The following GNAI1 variants were observed in gnomAD, a reference collection of about 807,000 sequenced individuals.
GNAI1 encodes G protein subunit alpha i1.
A neutral mutation model predicts 38.9 loss-of-function variants in GNAI1; 11 were observed. The observed-to-expected ratio is 0.28, with a 90% confidence interval of 0.18 to 0.47. The LOEUF (loss-of-function observed/expected upper bound fraction) is 0.47. GNAI1 is among the 20% of genes least tolerant of loss of function. GNAI1 has a pLI of 0.99. For missense variants in GNAI1, 317 were observed against 436.9 expected (o/e 0.73, Z 2.45); for synonymous variants, 166 against 145.1 (o/e 1.14, Z -1.04).
intron 1 of GNAI1, among the ~76,000 whole-genome samples, chr7:80,166,613 A>G (rs781587606): frequency 6.6e-5 from 10 of 152,162 alleles, no homozygotes; most frequent in Non-Finnish European, 1.0e-4. Flanking sequence ...CATTCAATTT[A>G]TATTCTAATG....
chr7:80,161,587 T>C (rs569555604), intron 1 of GNAI1, among the ~76,000 whole-genome samples: 40 of 152,364 alleles, frequency 2.6e-4, no homozygotes, highest in African/African-American at 8.2e-4. Context: ...TCATATATTT[T>C]TAGCAGTGCA....
chr7:80,200,351 A>C (rs892707720), intron 4 of GNAI1, among the ~76,000 whole-genome samples: 8 of 147,512 alleles, frequency 5.4e-5, no homozygotes, highest in Non-Finnish European at 9.0e-5. Context: ...AAAAAAACCT[A>C]ATCAGGGAGC....
At position 80,217,544 on chromosome 7, in the gene GNAI1, T is replaced by A. The variant is rs1241124609; in HGVS notation, c.*51T>A. The A allele has an allele frequency of 9.5e-7, 1 of 1,049,776 alleles. No individual in the cohort carries two copies. The highest frequency in any genetic ancestry group is 1.6e-5 in the South Asian group (1 of 63,290). 65.0% of individuals were successfully genotyped at this position (1,049,776 alleles called of 1,614,324 possible). On this transcript the variant is annotated 3_prime_UTR_variant, in exon 8 of 8. Transcript: ENST00000649796. ...TTTTCAAACCAAATGAGTACTTATA[T>A]ATGGATCTCTGTAGACTAGAGTCTT...
At chr7:80,193,009 G>T (rs1236959930) in intron 3 of GNAI1, among the ~76,000 whole-genome samples, 2 of 148,660 alleles carry the variant, frequency 1.3e-5, no homozygotes, top group Non-Finnish European at 1.5e-5. Context: ...TTGTTTTATT[G>T]TTTTTTTTTT....
chr7:80,185,373 G>C (rs1788369490), intron 1 of GNAI1, among the ~76,000 whole-genome samples: 1 of 152,070 alleles, frequency 6.6e-6, no homozygotes, highest in Non-Finnish European at 1.5e-5. Context: ...GAATCATGAG[G>C]CTTTTGTTTA....
chr7:80,206,054 A>C (rs1268923999), intron 5 of GNAI1, among the ~76,000 whole-genome samples: 1 of 152,126 alleles, frequency 6.6e-6, no homozygotes, highest in African/African-American at 2.4e-5. Flanking sequence ...CACTGTTAGA[A>C]GTAGTCAACA....
intron 1 of GNAI1, among the ~76,000 whole-genome samples, chr7:80,177,024 C>CTTTTTT (rs569135086): frequency 2.1e-4 from 13 of 61,212 alleles, no homozygotes; most frequent in Non-Finnish European, 2.2e-4. Context: ...GACAGCATAT[C>CTTTTTT]TTTTTTTTTT....
At chr7:80,198,047 A>G (rs1788610809) in intron 3 of GNAI1, among the ~76,000 whole-genome samples, 1 of 151,920 alleles carries the variant, frequency 6.6e-6, no homozygotes, top group South Asian at 2.1e-4. Flanking sequence ...GAAGAAAGAA[A>G]CTTCATATCT....
At position 80,219,559 on chromosome 7, in the gene GNAI1, G is replaced by T. The variant is rs1789036910; in HGVS notation, c.*2066G>T. On this transcript the variant is annotated 3_prime_UTR_variant, in exon 8 of 8. Coordinates refer to ENST00000649796, the MANE Select transcript of GNAI1 (RefSeq NM_002069.6). ...GCTATGAGATGTGATGCCACATTTG[G>T]AATTGCCTTCTTGATATCCCCTTCT... 6.6e-6 allele frequency among the ~76,000 whole-genome samples: 1 copy of T among 152,048 alleles called. No homozygotes were observed. Among genetic ancestry groups the T allele is most frequent in the South Asian group, 2.1e-4 (1 of 4,820 alleles).
chr7:80,152,373 G>A (rs977457544), intron 1 of GNAI1, among the ~76,000 whole-genome samples: 6 of 152,068 alleles, frequency 3.9e-5, no homozygotes, highest in Admixed American at 2.6e-4. Flanking sequence ...ATCTTATGTT[G>A]CAAGAATTAA....
chr7:80,168,518 G>A (rs1293134294), intron 1 of GNAI1, among the ~76,000 whole-genome samples: 1 of 152,046 alleles, frequency 6.6e-6, no homozygotes, highest in Non-Finnish European at 1.5e-5. Context: ...CTCCCGAGTA[G>A]CTGGGACTAC....
chr7:80,184,381 T>C (rs1788354038), intron 1 of GNAI1, among the ~76,000 whole-genome samples: 1 of 152,164 alleles, frequency 6.6e-6, no homozygotes, highest in African/African-American at 2.4e-5. Context: ...CTCCCCTGAT[T>C]CTTCCCTTGG....
At chr7:80,167,867 T>C (rs191022474) in intron 1 of GNAI1, among the ~76,000 whole-genome samples, 5 of 152,336 alleles carry the variant, frequency 3.3e-5, no homozygotes, top group Admixed American at 6.5e-5. Context: ...GCAAAAAAAG[T>C]CTTTGTGTTT....
At chr7:80,152,558 CTTTTTTTTTTTTTT>C (rs35141470) in intron 1 of GNAI1, among the ~76,000 whole-genome samples, 2 of 103,006 alleles carry the variant, frequency 1.9e-5, no homozygotes, top group African/African-American at 3.6e-5. Flanking sequence ...GGTCTCAATT[CTTTTTTTTTTTTTT>C]TTTTTTTTGA....
intron 1 of GNAI1, among the ~76,000 whole-genome samples, chr7:80,151,302 A>G (rs1321352082): frequency 2.0e-5 from 3 of 152,180 alleles, no homozygotes; most frequent in Non-Finnish European, 4.4e-5. Flanking sequence ...GATTCCTAAT[A>G]TTGATTTAAA....
At chr7:80,150,842 C>A (rs1010258639) in intron 1 of GNAI1, among the ~76,000 whole-genome samples, 1 of 152,078 alleles carries the variant, frequency 6.6e-6, no homozygotes, top group Non-Finnish European at 1.5e-5. Context: ...TTGCATTGTC[C>A]ATCCATCATC....
chr7:80,138,174 C>T (rs1234845499), intron 1 of GNAI1, among the ~76,000 whole-genome samples: 4 of 152,106 alleles, frequency 2.6e-5, no homozygotes, highest in Non-Finnish European at 5.9e-5. Context: ...CTCTAAAGTA[C>T]TTTTAAGACA....
At chr7:80,153,631 G>A (rs953950054) in intron 1 of GNAI1, among the ~76,000 whole-genome samples, 1 of 152,092 alleles carries the variant, frequency 6.6e-6, no homozygotes, top group Non-Finnish European at 1.5e-5. Context: ...TGTATTAATG[G>A]CCTTAACATT....
rs1291686170 is a variant in GNAI1, at chr7:80,221,561, TGAG to T, written c.*4071_*4073del. Among the ~76,000 whole-genome samples, 2 of 151,816 alleles carry T rather than the reference TGAG, an allele frequency of 1.3e-5. No homozygotes were observed. Among genetic ancestry groups the T allele is most frequent in the African/African-American group, 2.4e-5 (1 of 41,350 alleles). On this transcript the variant is annotated 3_prime_UTR_variant, in exon 8 of 8. Transcript: ENST00000649796. ...GAGAAAATGCAATCTCTAATCAACTTGAGGACACTTCTGTCGTTTTAATGTAAC... is the reference window on the plus strand; with the variant it reads ...GAGAAAATGCAATCTCTAATCAACTTGACACTTCTGTCGTTTTAATGTAAC...
Sources: gnomAD v4.1 joint callset for allele counts (sites outside exome capture counted in the v4.1 genomes callset) on GRCh38, gnomAD v4.1.1 for gene constraint, MANE v1.5 for transcripts, NCBI Gene and HGNC (gene_info 2026-07-23, HGNC 2026-07-21) for gene names.